KCNQ1: variants seen among roughly 807,000 people sequenced by gnomAD.
KCNQ1 encodes potassium voltage-gated channel subfamily Q member 1, also known as potassium voltage-gated channel subfamily KQT member 1.
Under a neutral mutation model 72.4 loss-of-function variants are expected in KCNQ1, and 49 were observed. That is an observed-to-expected ratio of 0.68 (90% confidence interval 0.54 to 0.86). The LOEUF (loss-of-function observed/expected upper bound fraction) is 0.86, where lower values mean the gene tolerates loss of function less well. Ranked by LOEUF, KCNQ1 falls within the 40% of genes least tolerant of loss-of-function variation. KCNQ1 has a pLI of 0.00. For synonymous variants in KCNQ1, 450 were observed against 412.6 expected, an observed-to-expected ratio of 1.09 and a Z score of -1.10; for missense variants, 790 against 945.1, an observed-to-expected ratio of 0.84 and a Z score of 2.15.
chr11:2,584,895 C>T (rs961911527), intron 7 of KCNQ1, among the ~76,000 whole-genome samples: 4 of 152,162 alleles, frequency 2.6e-5, no homozygotes, highest in Non-Finnish European at 5.9e-5. Context: ...ATCCCAGTGC[C>T]CAGTATGACC....
At chr11:2,810,376 CTCTT>C in intron 15 of KCNQ1, among the ~76,000 whole-genome samples, 1 of 152,348 alleles carries the variant, frequency 6.6e-6, no homozygotes, top group South Asian at 2.1e-4. Context: ...TCTCTGTTCT[CTCTT>C]TCTGAAATTC....
chr11:2,554,478 G>T (rs900110793), intron 2 of KCNQ1, among the ~76,000 whole-genome samples: 2 of 152,228 alleles, frequency 1.3e-5, no homozygotes, highest in South Asian at 2.1e-4. Context: ...GGGGCTGTGG[G>T]GTTTGCAGAC....
Position 2,678,436 on chromosome 11 carries a change from TC to T in KCNQ1, c.1514+16356del. 1 of 398,654 alleles carries T rather than the reference TC, an allele frequency of 2.5e-6. No homozygotes were observed. Among genetic ancestry groups the T allele is most frequent in the Non-Finnish European group, 4.4e-6 (1 of 226,064 alleles). The allele number at this position is 398,654 out of a possible 1,614,324, so 24.7% of individuals were successfully genotyped here. A position where few individuals can be genotyped will look rare whatever the true frequency, so the allele number is the denominator to read the frequency against. The stretch of plus-strand genomic sequence containing the variant: ...CACTATTTATTTGAGTACATCATCA[TC>T]TCTCTACTAATTTCAACTGCTACCT... On this transcript the variant is annotated intron_variant, in intron 11 of 15. Transcript: ENST00000155840. This position sits in a 1 kb window ranked among gnomAD's most constrained non-coding sequence, Gnocchi z 4.9.
At chr11:2,523,150 A>G (rs997576897) in intron 1 of KCNQ1, among the ~76,000 whole-genome samples, 20 of 152,190 alleles carry the variant, frequency 1.3e-4, no homozygotes, top group Non-Finnish European at 1.8e-4. Flanking sequence ...CACCCTGCAC[A>G]TGGTGCTAAC....
chr11:2,646,267 G>A, intron 10 of KCNQ1: 1 of 398,572 alleles, frequency 2.5e-6, no homozygotes, highest in Admixed American at 4.4e-5. Flanking sequence ...TCTGGATAGG[G>A]ATTTCATAGC....
intron 10 of KCNQ1, chr11:2,622,427 T>C (rs1411936455): frequency 7.5e-6 from 3 of 398,304 alleles, no homozygotes; most frequent in Admixed American, 8.8e-5. Context: ...ACTTTCAATC[T>C]ACTTGTGTCT....
intron 1 of KCNQ1, among the ~76,000 whole-genome samples, chr11:2,518,139 C>T (rs1240228745): frequency 1.3e-5 from 2 of 152,254 alleles, no homozygotes; most frequent in African/African-American, 2.4e-5. Flanking sequence ...ACTGGGCCTT[C>T]GGAGGGAGGG....
At chr11:2,721,093 G>A (rs1433134023) in intron 11 of KCNQ1, among the ~76,000 whole-genome samples, 2 of 152,198 alleles carry the variant, frequency 1.3e-5, no homozygotes, top group African/African-American at 2.4e-5. Flanking sequence ...TCTAAAAGGT[G>A]GGGAGGGGAT....
At chr11:2,741,396 A>C (rs1846047967) in intron 11 of KCNQ1, among the ~76,000 whole-genome samples, 1 of 151,984 alleles carries the variant, frequency 6.6e-6, no homozygotes, top group Non-Finnish European at 1.5e-5. Context: ...TTTTTGTTTT[A>C]TTATCCAGAC....
chr11:2,622,808 C>T (rs1168318532), intron 10 of KCNQ1: 1 of 398,636 alleles, frequency 2.5e-6, no homozygotes. Context: ...CCCATACATA[C>T]AGAGCTTTTC....
In KCNQ1 at chr11:2,468,985, T is replaced by C. The variant is rs1846398512; in HGVS notation, c.386+23501T>C. ...GTGAGGGCTTCACTTTCTAGGACAC[T>C]GACAAACCGTTTTCTAAAGCAGCAA... On this transcript the variant is annotated intron_variant, in intron 1 of 15. Transcript: ENST00000155840. This position sits in a 1 kb window ranked among gnomAD's most constrained non-coding sequence, Gnocchi z 5.7. Among the ~76,000 whole-genome samples, 1 of 152,228 alleles carries C rather than the reference T, an allele frequency of 6.6e-6. No homozygotes were observed. Among genetic ancestry groups the C allele is most frequent in the Non-Finnish European group, 1.5e-5 (1 of 68,034 alleles).
intron 15 of KCNQ1, among the ~76,000 whole-genome samples, chr11:2,831,162 C>T (rs1847938171): frequency 6.6e-6 from 1 of 152,214 alleles, no homozygotes; most frequent in Admixed American, 6.5e-5. Flanking sequence ...GGGATGTTCT[C>T]AGAATGACAG....
In KCNQ1 at chr11:2,781,357, AG is replaced by A. The variant is rs1317104092; in HGVS notation, c.1794+3322del. On this transcript the variant is annotated intron_variant, in intron 15 of 15. Transcript: ENST00000155840. This position sits in a 1 kb window ranked among gnomAD's most constrained non-coding sequence, Gnocchi z 6.6. ...GGTGGGAGATGAGGTAGAGAGAGCA[AG>A]GAGGGGTTTCATATCACCCAAAGTC... is the stretch of plus-strand genomic sequence containing the variant. Among the ~76,000 whole-genome samples the A allele has an allele frequency of 6.6e-6, 1 of 152,278 alleles. No individual in the cohort carries two copies. The highest frequency in any genetic ancestry group is 2.1e-4 in the South Asian group (1 of 4,814).
Position 2,793,448 on chromosome 11 carries a change from T to C in KCNQ1, c.1794+15411T>C, listed in dbSNP as rs1847072338. 2.8e-5 allele frequency among the ~76,000 whole-genome samples: 3 copies of C among 106,788 alleles called. No homozygotes were observed. In the South Asian group the frequency reaches 8.0e-4, roughly 29 times the overall value. The allele number at this position is 106,788 out of a possible 152,430, so 70.1% of individuals were successfully genotyped here. On this transcript the variant is annotated intron_variant, in intron 15 of 15. Transcript: ENST00000155840. ...CACCCTGGGCAACATAGCGAGACCC[T>C]GTCTCTATGAAAATAAAAATAAAAA... is the stretch of plus-strand genomic sequence containing the variant.
rs747714498 is a variant in KCNQ1 at position 2,579,585 on chromosome 11, G to A, written c.922-3850G>A. Among the ~76,000 whole-genome samples the A allele has an allele frequency of 1.4e-4, 21 of 152,228 alleles. No homozygotes were observed. The highest frequency in any genetic ancestry group is 2.1e-4 in the South Asian group (1 of 4,830). ...ACAAACAGGTCTGCAGGGAGGGGCC[G>A]TTTCCTTGTTAACTTGAGGATGAGG... is the stretch of plus-strand genomic sequence containing the variant. On this transcript the variant is annotated intron_variant, in intron 6 of 15. Transcript: ENST00000155840. This position sits in a 1 kb window ranked among gnomAD's most constrained non-coding sequence, Gnocchi z 6.0.
Position 2,447,914 on chromosome 11 carries a change from A to AC in KCNQ1, c.386+2437dup, listed in dbSNP as rs963815029. On this transcript the variant is annotated intron_variant, in intron 1 of 15. Transcript: ENST00000155840. The surrounding 1 kb of genome is among the most constrained non-coding windows in gnomAD (Gnocchi z 7.6). Reference sequence around the variant, plus strand: ...GGATATCCTGTCCCCTCCTCGGGGAACCCCCCCTCCCCAGGAGAGCAGCTC... The same window carrying AC: ...GGATATCCTGTCCCCTCCTCGGGGAACCCCCCCCTCCCCAGGAGAGCAGCTC... Among the ~76,000 whole-genome samples, 8 of 151,506 alleles carry AC rather than the reference A, an allele frequency of 5.3e-5. No homozygotes were observed. The highest frequency in any genetic ancestry group is 3.9e-4 in the East Asian group (2 of 5,136).
In KCNQ1 at chr11:2,768,046, C is replaced by T. The variant is rs140379826; in HGVS notation, c.1515-798C>T. Among the ~76,000 whole-genome samples, 14 of 152,314 alleles carry T rather than the reference C, an allele frequency of 9.2e-5. No homozygotes were observed. Among genetic ancestry groups the T allele is most frequent in the African/African-American group, 2.4e-4 (10 of 41,574 alleles). Reference sequence around the variant, plus strand: ...ATTTCCTTTCTATGTGGGATCCTCACCTTCTATGTCTTTCTTGGTCTCCAA... The same window carrying T: ...ATTTCCTTTCTATGTGGGATCCTCATCTTCTATGTCTTTCTTGGTCTCCAA... On this transcript the variant is annotated intron_variant, in intron 11 of 15. Coordinates refer to ENST00000155840, the MANE Select transcript of KCNQ1 (RefSeq NM_000218.3). The surrounding 1 kb of genome is among the most constrained non-coding windows in gnomAD (Gnocchi z 6.7).
Position 2,746,098 on chromosome 11 carries a change from C to T in KCNQ1, c.1515-22746C>T, listed in dbSNP as rs148424653. On this transcript the variant is annotated intron_variant, in intron 11 of 15. Coordinates refer to ENST00000155840, the MANE Select transcript of KCNQ1 (RefSeq NM_000218.3). This position sits in a 1 kb window ranked among gnomAD's most constrained non-coding sequence, Gnocchi z 5.9. The stretch of plus-strand genomic sequence containing the variant: ...AGAGGTGGGGTTTCACCATGCTGGC[C>T]AGGCTGATCTCGAACTCCTGGCCTC... Among the ~76,000 whole-genome samples, 13 of 152,322 alleles carry T rather than the reference C, an allele frequency of 8.5e-5. No individual in the cohort carries two copies. Among genetic ancestry groups the T allele is most frequent in the African/African-American group, 3.1e-4 (13 of 41,564 alleles).
chr11:2,662,891 T>C (rs2133857636), intron 11 of KCNQ1: 1 of 398,754 alleles, frequency 2.5e-6, no homozygotes, highest in South Asian at 1.3e-4. Context: ...TTTTGTTCTT[T>C]GGACTCTCTG....
Sources: gnomAD v4.1 joint callset for allele counts (sites outside exome capture counted in the v4.1 genomes callset) on GRCh38, gnomAD v4.1.1 for gene constraint, Gnocchi (gnomAD v3.1) non-coding constraint, MANE v1.5 for transcripts, NCBI Gene and HGNC (gene_info 2026-07-23, HGNC 2026-07-21) for gene names.